Variants in LUZP2 observed in about 807,000 individuals in gnomAD.
LUZP2 encodes the protein leucine zipper protein 2.
LUZP2 carries 52 observed loss-of-function variants against 51.6 expected under a neutral mutation model. The observed-to-expected ratio is 1.01, with a 90% CI of 0.81 to 1.27. The LOEUF (loss-of-function observed/expected upper bound fraction) is 1.27, where lower values mean the gene tolerates loss of function less well. Ranked by LOEUF, LUZP2 falls within the 50% of genes most tolerant of loss-of-function variation. The pLI is 0.00. For synonymous variants in LUZP2, 154 were observed against 137.3 expected, an observed-to-expected ratio of 1.12 and a Z score of -0.85; for missense variants, 436 against 395.4, an observed-to-expected ratio of 1.10 and a Z score of -0.87.
At chr11:24,514,030 G>T (rs1850390290) in intron 1 of LUZP2, among the ~76,000 whole-genome samples, 1 of 152,172 alleles carries the variant, frequency 6.6e-6, no homozygotes, top group Admixed American at 6.5e-5. Flanking sequence ...AGCTGATCTG[G>T]CTGGGGATAC....
At chr11:24,859,489 G>A (rs1326656194) in intron 5 of LUZP2, among the ~76,000 whole-genome samples, 1 of 152,062 alleles carries the variant, frequency 6.6e-6, no homozygotes, top group East Asian at 1.9e-4. Flanking sequence ...TTGAGTCAAC[G>A]GTTTCTTAGT....
At chr11:24,761,495 A>C (rs1017192472) in intron 4 of LUZP2, among the ~76,000 whole-genome samples, 1 of 152,132 alleles carries the variant, frequency 6.6e-6, no homozygotes, top group African/African-American at 2.4e-5. Context: ...ATCATCCAGT[A>C]ACTGGGAAAT....
chr11:24,553,051 C>G (rs1251137504), intron 1 of LUZP2, among the ~76,000 whole-genome samples: 1 of 151,146 alleles, frequency 6.6e-6, no homozygotes, highest in African/African-American at 2.4e-5. Context: ...TACTGTAGAC[C>G]TTGAGGTCAC....
At chr11:24,896,622 G>T (rs770634746) in intron 5 of LUZP2, among the ~76,000 whole-genome samples, 1 of 152,096 alleles carries the variant, frequency 6.6e-6, no homozygotes, top group African/African-American at 2.4e-5. Flanking sequence ...TCCCTGACAG[G>T]CGCTGCCCCC....
At chr11:24,646,245 A>G (rs1590288893) in intron 1 of LUZP2, among the ~76,000 whole-genome samples, 1 of 152,120 alleles carries the variant, frequency 6.6e-6, no homozygotes, top group East Asian at 1.9e-4. Context: ...AGAAAGTAAT[A>G]CTGATATTAG....
intron 10 of LUZP2, among the ~76,000 whole-genome samples, chr11:25,075,425 T>C (rs1454838552): frequency 6.6e-6 from 1 of 152,198 alleles, no homozygotes; most frequent in Non-Finnish European, 1.5e-5. Context: ...TTGAACTATT[T>C]CATGGCCAAT....
chr11:24,566,770 G>GGTATATATACATATATATAAT (rs1409990654), intron 1 of LUZP2, among the ~76,000 whole-genome samples: 3 of 139,992 alleles, frequency 2.1e-5, no homozygotes, highest in Non-Finnish European at 4.6e-5. Flanking sequence ...TTATGTATAA[G>GGTATATATACATATATATAAT]GTATATATAC....
chr11:25,058,439 G>C (rs775881667), intron 10 of LUZP2, among the ~76,000 whole-genome samples: 1 of 151,998 alleles, frequency 6.6e-6, no homozygotes, highest in Non-Finnish European at 1.5e-5. Context: ...AAACAATAAC[G>C]TGCAAACACA....
At chr11:24,610,808 G>T (rs1395621796) in intron 1 of LUZP2, among the ~76,000 whole-genome samples, 1 of 152,138 alleles carries the variant, frequency 6.6e-6, no homozygotes, top group East Asian at 1.9e-4. Context: ...AGCTGGGCGT[G>T]GGGGCACGTG....
intron 1 of LUZP2, among the ~76,000 whole-genome samples, chr11:24,501,769 T>C (rs549982908): frequency 6.6e-6 from 1 of 152,312 alleles, no homozygotes; most frequent in African/African-American, 2.4e-5. Flanking sequence ...ATAGATTAGT[T>C]ATGTATATCC....
intron 6 of LUZP2, among the ~76,000 whole-genome samples, chr11:24,909,051 G>A (rs371489824): frequency 1.3e-5 from 2 of 151,666 alleles, no homozygotes; most frequent in Non-Finnish European, 2.9e-5. Flanking sequence ...ATGAGCCACC[G>A]CACCCAGCCA....
At chr11:24,521,724 C>T (rs1051071465) in intron 1 of LUZP2, among the ~76,000 whole-genome samples, 2 of 152,030 alleles carry the variant, frequency 1.3e-5, no homozygotes, top group Non-Finnish European at 2.9e-5. Flanking sequence ...GAACGGGCAG[C>T]TCCTTTGCAA....
At chr11:24,639,719 G>A (rs1855219233) in intron 1 of LUZP2, among the ~76,000 whole-genome samples, 1 of 151,858 alleles carries the variant, frequency 6.6e-6, no homozygotes. Context: ...CCAAAGTGCT[G>A]GGATTACAGG....
At chr11:24,616,475 A>ATGTGTGTGTGTGTG (rs61413263) in intron 1 of LUZP2, among the ~76,000 whole-genome samples, 2,539 of 98,482 alleles carry the variant, frequency 0.026, 51 homozygotes, top group African/African-American at 0.045. Context: ...TGGCGTGCGC[A>ATGTGTGTGTGTGTG]TGTGTGTGTG....
intron 9 of LUZP2, among the ~76,000 whole-genome samples, chr11:25,044,124 A>ATATATAAAGAGT: frequency 8.7e-6 from 1 of 114,352 alleles, no homozygotes; most frequent in East Asian, 3.0e-4. Flanking sequence ...TATATCAGAT[A>ATATATAAAGAGT]CATATGTAGT....
At chr11:24,528,793 G>C (rs1231384641) in intron 1 of LUZP2, among the ~76,000 whole-genome samples, 2 of 151,012 alleles carry the variant, frequency 1.3e-5, no homozygotes, top group Admixed American at 1.3e-4. Flanking sequence ...ATCTTACAAG[G>C]CTTTTCTGGT....
intron 7 of LUZP2, among the ~76,000 whole-genome samples, chr11:24,920,028 G>T (rs1203094648): frequency 6.6e-6 from 1 of 151,654 alleles, no homozygotes; most frequent in Non-Finnish European, 1.5e-5. Context: ...TGATTATTTT[G>T]ATTTTAAATT....
intron 5 of LUZP2, among the ~76,000 whole-genome samples, chr11:24,901,402 A>G (rs1423662348): frequency 4.4e-5 from 2 of 45,970 alleles, no homozygotes; most frequent in Non-Finnish European, 1.2e-4. Context: ...CACTTCATTA[A>G]AAAAAAAAAA....
chr11:25,049,512 T>C (rs1858425309), intron 9 of LUZP2, among the ~76,000 whole-genome samples: 3 of 152,314 alleles, frequency 2.0e-5, no homozygotes, highest in Admixed American at 6.5e-5. Flanking sequence ...AGATGAATTC[T>C]AGAATAATAT....
Sources: gnomAD v4.1 joint callset for allele counts (sites outside exome capture counted in the v4.1 genomes callset) on GRCh38, gnomAD v4.1.1 for gene constraint, MANE v1.5 for transcripts, NCBI Gene and HGNC (gene_info 2026-07-23, HGNC 2026-07-21) for gene names.